Variants in KCNMA1 observed in about 807,000 individuals in gnomAD.
KCNMA1 encodes potassium calcium-activated channel subfamily M alpha 1, also known as Calcium-activated potassium channel subunit alpha-1.
KCNMA1 carries 29 observed loss-of-function variants against 140.0 expected under a neutral mutation model. That is an observed-to-expected ratio of 0.21 (90% confidence interval 0.15 to 0.28). The LOEUF (loss-of-function observed/expected upper bound fraction) is 0.28, where lower values mean the gene tolerates loss of function less well. KCNMA1 is among the 10% of genes least tolerant of loss of function. KCNMA1 has a pLI of 1.00. For missense variants in KCNMA1, 880 were observed against 1,602.2 expected, an observed-to-expected ratio of 0.55 and a Z score of 7.70; for synonymous variants, 612 against 611.9, an observed-to-expected ratio of 1.00 and a Z score of 0.00.
chr10:77,000,525 A>G (rs1006647692), intron 19 of KCNMA1, among the ~76,000 whole-genome samples: 24 of 152,126 alleles, frequency 1.6e-4, no homozygotes, highest in African/African-American at 5.6e-4. Context: ...GTTCTTTAAC[A>G]TCTCTGAGCT....
intron 1 of KCNMA1, among the ~76,000 whole-genome samples, chr10:77,423,685 G>C (rs1400369676): frequency 6.6e-6 from 1 of 152,108 alleles, no homozygotes; most frequent in African/African-American, 2.4e-5. Flanking sequence ...CCCAGGGCTG[G>C]CTGCTCACAT....
chr10:77,012,494 A>T (rs2091041217), intron 17 of KCNMA1: 1 of 1,550,334 alleles, frequency 6.5e-7, no homozygotes, highest in Non-Finnish European at 8.7e-7. Context: ...AAATAAAAAT[A>T]TCAAGCTTGT....
At chr10:77,079,739 A>C (rs1249671699) in intron 12 of KCNMA1, 189 bp from the exon 13 acceptor site, 1 of 632,228 alleles carries the variant, frequency 1.6e-6, no homozygotes, top group East Asian at 2.8e-5. Flanking sequence ...GGGCAGAAGC[A>C]ACTTTTCACT....
At position 77,251,256 on chromosome 10, in the gene KCNMA1, C is replaced by T. The variant is rs2059605622; in HGVS notation, c.541G>A (p.Val181Ile). 1 of 1,611,292 alleles carries T rather than the reference C, an allele frequency of 6.2e-7. No individual in the cohort carries two copies. Among genetic ancestry groups the T allele is most frequent in the African/African-American group, 1.3e-5 (1 of 74,848 alleles). Residue 181 changes from valine to isoleucine, a missense_variant and splice_region_variant, in exon 3 of 28, where the codon GTT (valine) becomes ATT (isoleucine). Transcript: ENST00000286628. ...ATGCTGAGAGCAAAGACTAAGACAA[C>T]CTGTAAAAGAAGAGGAGAATGCCAT... Reference protein sequence around the residue: ...SAQTLTGRVLVVLVFALSIGA... With the variant: ...SAQTLTGRVLIVLVFALSIGA...
intron 1 of KCNMA1, among the ~76,000 whole-genome samples, chr10:77,535,513 T>G (rs538049724): frequency 1.3e-5 from 2 of 152,188 alleles, no homozygotes; most frequent in East Asian, 3.9e-4. Context: ...AAAATAGAAT[T>G]ACCATATGAT....
chr10:77,611,395 A>G (rs1260806108), intron 1 of KCNMA1, among the ~76,000 whole-genome samples: 1 of 152,230 alleles, frequency 6.6e-6, no homozygotes, highest in Non-Finnish European at 1.5e-5. Context: ...AGGAGAGCAG[A>G]TTAGAGTGAC....
At chr10:76,925,452 C>A (rs1281809512) in intron 23 of KCNMA1, among the ~76,000 whole-genome samples, 1 of 152,124 alleles carries the variant, frequency 6.6e-6, no homozygotes, top group Non-Finnish European at 1.5e-5. Context: ...CATTACAAGA[C>A]AATGATATCA....
intron 2 of KCNMA1, among the ~76,000 whole-genome samples, chr10:77,340,205 G>A (rs929188483): frequency 1.3e-5 from 2 of 152,128 alleles, no homozygotes; most frequent in Non-Finnish European, 2.9e-5. Flanking sequence ...TCAAAAGTCA[G>A]GAAACAACAG....
At chr10:77,231,214 GA>G (rs1269826669) in intron 3 of KCNMA1, among the ~76,000 whole-genome samples, 4 of 152,170 alleles carry the variant, frequency 2.6e-5, no homozygotes, top group African/African-American at 7.2e-5. Context: ...ACATGTCGAA[GA>G]TACATAAGTT....
chr10:77,156,069 T>C (rs1227159496), intron 5 of KCNMA1, among the ~76,000 whole-genome samples: 3 of 151,612 alleles, frequency 2.0e-5, no homozygotes, highest in Admixed American at 2.0e-4. Context: ...GTACTAAAAA[T>C]ACAAAAAAAT....
At chr10:77,460,421 A>T (rs2097844473) in intron 1 of KCNMA1, among the ~76,000 whole-genome samples, 1 of 152,130 alleles carries the variant, frequency 6.6e-6, no homozygotes, top group South Asian at 2.1e-4. Context: ...TAGACCAAAA[A>T]AACACCTGCA....
At chr10:77,310,030 G>A (rs1031467029) in intron 2 of KCNMA1, among the ~76,000 whole-genome samples, 2 of 152,154 alleles carry the variant, frequency 1.3e-5, no homozygotes. Flanking sequence ...TCATGTATGA[G>A]GCAGAATTTG....
intron 1 of KCNMA1, among the ~76,000 whole-genome samples, chr10:77,624,535 G>T (rs911041797): frequency 6.6e-6 from 1 of 152,110 alleles, no homozygotes; most frequent in Non-Finnish European, 1.5e-5. Context: ...TCACTCTTGT[G>T]TTTTATAGTA....
chr10:77,341,211 A>G (rs1413665066), intron 2 of KCNMA1, among the ~76,000 whole-genome samples: 1 of 152,220 alleles, frequency 6.6e-6, no homozygotes, highest in East Asian at 1.9e-4. Context: ...GAATTGTTGC[A>G]AAGATTAAAT....
chr10:77,014,612 T>C (rs1296972196), intron 17 of KCNMA1, among the ~76,000 whole-genome samples: 1 of 147,950 alleles, frequency 6.8e-6, no homozygotes, highest in Non-Finnish European at 1.5e-5. Context: ...TTAACCACCA[T>C]TCCACTTTCT....
intron 1 of KCNMA1, among the ~76,000 whole-genome samples, chr10:77,601,429 T>C (rs927512932): frequency 5.3e-5 from 8 of 152,134 alleles, no homozygotes; most frequent in African/African-American, 1.7e-4. Flanking sequence ...CTCTAAATGG[T>C]GAAGTGAAGA....
intron 1 of KCNMA1, among the ~76,000 whole-genome samples, chr10:77,408,294 T>A (rs1443805544): frequency 1.3e-5 from 2 of 152,078 alleles, no homozygotes; most frequent in Non-Finnish European, 2.9e-5. Flanking sequence ...ACCTTCCACC[T>A]CCCACTGCAG....
intron 20 of KCNMA1, among the ~76,000 whole-genome samples, chr10:76,967,653 T>G: frequency 6.6e-6 from 1 of 152,136 alleles, no homozygotes; most frequent in South Asian, 2.1e-4. Flanking sequence ...ACTTTCTCAC[T>G]TGTCATGGGA....
intron 12 of KCNMA1, 42 bp from the exon 13 acceptor site, chr10:77,079,592 G>A (rs1371386164): frequency 4.5e-6 from 6 of 1,333,576 alleles, no homozygotes; most frequent in Middle Eastern, 3.6e-4. Context: ...TCTGCCTTAT[G>A]CATGGTGTCT....
Sources: gnomAD v4.1 joint callset for allele counts (sites outside exome capture counted in the v4.1 genomes callset) on GRCh38, gnomAD v4.1.1 for gene constraint, MANE v1.5 for transcripts, NCBI Gene and HGNC (gene_info 2026-07-23, HGNC 2026-07-21) for gene names.